Variants in ARHGEF10L observed in about 807,000 individuals in gnomAD.
ARHGEF10L encodes rho guanine nucleotide exchange factor 10-like protein.
ARHGEF10L carries 69 observed loss-of-function variants against 141.2 expected under a neutral mutation model. The observed-to-expected ratio is 0.49, with a 90% CI of 0.40 to 0.60. The LOEUF (loss-of-function observed/expected upper bound fraction) is 0.60. Among genes scored for constraint, ARHGEF10L ranks in the 20% least tolerant of loss-of-function variants. The pLI is 0.00. For synonymous variants in ARHGEF10L, 711 were observed against 718.5 expected (o/e 0.99, Z 0.17); for missense variants, 1,482 against 1,734.3 (o/e 0.85, Z 2.58).
At chr1:17,643,878 C>T (rs1347718440) in intron 21 of ARHGEF10L, among the ~76,000 whole-genome samples, 1 of 152,196 alleles carries the variant, frequency 6.6e-6, no homozygotes, top group Non-Finnish European at 1.5e-5. Flanking sequence ...AGGATATCTT[C>T]CTACCTCTTT....
intron 1 of ARHGEF10L, among the ~76,000 whole-genome samples, chr1:17,560,850 C>A (rs1003393979): frequency 1.7e-4 from 26 of 152,252 alleles, no homozygotes; most frequent in African/African-American, 6.0e-4. Context: ...CAGGTGTGAG[C>A]CACTGCGCCT....
chr1:17,518,802 C>CAAAAAAAAAAAAAAA, the ARHGEF10L span, among the ~76,000 whole-genome samples: 2 of 99,890 alleles, frequency 2.0e-5, no homozygotes, highest in African/African-American at 4.0e-5. Flanking sequence ...GATTCTGTCT[C>CAAAAAAAAAAAAAAA]AAAAAAAAAA....
In ARHGEF10L at chr1:17,655,918, A is replaced by G; in HGVS notation, c.2521A>G (p.Ile841Val). ...GQEGAGGQVE[I>V]FSLNRPSPRT... The stretch of plus-strand genomic sequence containing the variant: ...GGAAGGCGCAGGGGGCCAGGTGGAA[A>G]TCTTTTCCTTGAACCGGCCCTCGCC... Residue 841 changes from isoleucine to valine, a missense_variant, in exon 24 of 29, where the codon ATC becomes GTC. Ile to Val is a conservative substitution (Grantham distance 29). Coordinates refer to ENST00000361221, the MANE Select transcript of ARHGEF10L (RefSeq NM_018125.4). The G allele has an allele frequency of 6.4e-7, 1 of 1,557,156 alleles. No homozygotes were observed. Among genetic ancestry groups the G allele is most frequent in the Non-Finnish European group, 8.7e-7 (1 of 1,150,304 alleles).
rs2064700893 is a variant in ARHGEF10L, at chr1:17,687,470, G to A, written c.3010-103G>A. The A allele has an allele frequency of 2.1e-5, 28 of 1,328,070 alleles. No homozygotes were observed. The South Asian group carries it at 3.7e-4, about 18-fold the overall frequency. The allele number at this position is 1,328,070 out of a possible 1,614,324, so 82.3% of individuals were successfully genotyped here. A position where few individuals can be genotyped will look rare whatever the true frequency, so the allele number is the denominator to read the frequency against. On this transcript the variant is annotated intron_variant, in intron 26 of 28. Coordinates refer to ENST00000361221, the MANE Select transcript of ARHGEF10L (RefSeq NM_018125.4). ...TTCTAATGTTCCCTGAGTAGCTTGA[G>A]CTTTTGAAGAATGTGAGAATGGCTG...
chr1:17,656,409 TG>T lies in ARHGEF10L; in HGVS notation c.2706-143del. ...CATGGAAAAGTGAGCTCCCGCATGG[TG>T]GAGCTATGGCCTGGCCACACAGCCG... On this transcript the variant is annotated intron_variant, in intron 24 of 28. Transcript: ENST00000361221. The surrounding 1 kb of genome is among the most constrained non-coding windows in gnomAD (Gnocchi z 4.9). 1 of 1,008,326 alleles carries T rather than the reference TG, an allele frequency of 9.9e-7. No individual in the cohort carries two copies. Among genetic ancestry groups the T allele is most frequent in the Non-Finnish European group, 1.5e-6 (1 of 674,894 alleles). The allele number at this position is 1,008,326 out of a possible 1,614,324, so 62.5% of individuals were successfully genotyped here.
chr1:17,609,657 G>A (rs1031705334), intron 7 of ARHGEF10L, among the ~76,000 whole-genome samples: 1 of 152,154 alleles, frequency 6.6e-6, no homozygotes. Flanking sequence ...ACGTAAACAT[G>A]AGCCTGTGTC....
chr1:17,689,961 G>A (rs1169347000), intron 27 of ARHGEF10L: 50 of 407,136 alleles, frequency 1.2e-4, no homozygotes, highest in South Asian at 7.6e-4. Flanking sequence ...CTTCACGCCC[G>A]TTGTCTTACT....
chr1:17,665,297 G>C (rs1193416037), intron 26 of ARHGEF10L, among the ~76,000 whole-genome samples: 1 of 152,210 alleles, frequency 6.6e-6, no homozygotes, highest in East Asian at 1.9e-4. Flanking sequence ...GTCTTCATTC[G>C]CCTGCCTAGT....
At position 17,587,601 on chromosome 1, in the gene ARHGEF10L, A is replaced by G; in HGVS notation, c.179A>G (p.Asp60Gly). The G allele has an allele frequency of 6.2e-7, 1 of 1,614,072 alleles. No homozygotes were observed. The highest frequency in any genetic ancestry group is 8.5e-7 in the Non-Finnish European group (1 of 1,179,992). ...GTCCCCAGCCTTGCTCCTGAGAGGG[A>G]CACAGACCCCCCACTGATCCACTTG... ...LGVPSLAPER[D>G]TDPPLIHLDS... is the part of the protein sequence containing the mutation. Residue 60 changes from aspartate (D) to glycine (G), a missense_variant, in exon 3 of 29, where the codon GAC (aspartate) becomes GGC (glycine). Physicochemically the swap from Asp to Gly is moderately conservative, Grantham distance 94. Around this residue, in one of 3 missense-constraint regions of ARHGEF10L, gnomAD observed 232 missense variants for 225.9 expected, o/e 1.03. Coordinates refer to ENST00000361221, the MANE Select transcript of ARHGEF10L (RefSeq NM_018125.4).
chr1:17,600,998 C>G (rs1016920642), intron 4 of ARHGEF10L, among the ~76,000 whole-genome samples: 2 of 144,826 alleles, frequency 1.4e-5, no homozygotes. Flanking sequence ...TGCAGTGAGC[C>G]GAGATCGCAC....
chr1:17,646,758 G>T (rs908529285), intron 21 of ARHGEF10L, among the ~76,000 whole-genome samples: 4 of 152,110 alleles, frequency 2.6e-5, no homozygotes, highest in African/African-American at 9.7e-5. Context: ...CCCTGGGGAG[G>T]TGAGGGGCAG....
rs555296875 is a variant in ARHGEF10L, at chr1:17,613,937, C to T, written c.726+763C>T. On this transcript the variant is annotated intron_variant, in intron 8 of 28. Coordinates refer to ENST00000361221, the MANE Select transcript of ARHGEF10L (RefSeq NM_018125.4). Reference sequence around the variant, plus strand: ...CCCCCAGGGTGGCTTTGAAGGTCAACGATCAGGCCTCTTGGGTGTACGGTG... The same window carrying T: ...CCCCCAGGGTGGCTTTGAAGGTCAATGATCAGGCCTCTTGGGTGTACGGTG... Among the ~76,000 whole-genome samples the T allele has an allele frequency of 3.6e-4, 55 of 152,338 alleles. No individual in the cohort carries two copies. The South Asian group carries it at 5.2e-3, about 14-fold the overall frequency.
At position 17,559,741 on chromosome 1, in the gene ARHGEF10L, G is replaced by T. The variant is rs541745508; in HGVS notation, c.-44+19791G>T. Among the ~76,000 whole-genome samples the T allele has an allele frequency of 5.9e-5, 9 of 152,298 alleles. 1 individual carries two copies. Among genetic ancestry groups the T allele is most frequent in the African/African-American group, 2.2e-4 (9 of 41,560 alleles). On this transcript the variant is annotated intron_variant, in intron 1 of 28. Coordinates refer to ENST00000361221, the MANE Select transcript of ARHGEF10L (RefSeq NM_018125.4). Reference sequence around the variant, plus strand: ...TAAGGAAAGGGACCGTCATGTGACTGGGGCCCAGGGTCTTCAGAACAAGGT... The same window carrying T: ...TAAGGAAAGGGACCGTCATGTGACTTGGGCCCAGGGTCTTCAGAACAAGGT...
At chr1:17,578,860 G>A (rs2078340578) in intron 1 of ARHGEF10L, among the ~76,000 whole-genome samples, 1 of 152,214 alleles carries the variant, frequency 6.6e-6, no homozygotes, top group South Asian at 2.1e-4. Flanking sequence ...AGCACTGTGA[G>A]TGCTGTGTGC....
At chr1:17,529,824 C>CTTTTTTT in the ARHGEF10L span, among the ~76,000 whole-genome samples, 1 of 67,156 alleles carries the variant, frequency 1.5e-5, no homozygotes, top group African/African-American at 5.8e-5. Context: ...ACACATCAGT[C>CTTTTTTT]TTTTTTTTTT....
rs764297995 is a variant in ARHGEF10L, at chr1:17,573,466, G to A, written c.-43-7087G>A. On this transcript the variant is annotated intron_variant, in intron 1 of 28. Coordinates refer to ENST00000361221, the MANE Select transcript of ARHGEF10L (RefSeq NM_018125.4). This position sits in a 1 kb window ranked among gnomAD's most constrained non-coding sequence, Gnocchi z 4.8. Reference sequence around the variant, plus strand: ...TCTGGGGTTCTCTGGAGAAGAGGGGGGTCAGTTCAGCTGATGGCAGGTGGC... The same window carrying A: ...TCTGGGGTTCTCTGGAGAAGAGGGGAGTCAGTTCAGCTGATGGCAGGTGGC... Among the ~76,000 whole-genome samples, 1 of 152,204 alleles carries A rather than the reference G, an allele frequency of 6.6e-6. No homozygotes were observed. Among genetic ancestry groups the A allele is most frequent in the Non-Finnish European group, 1.5e-5 (1 of 68,036 alleles).
intron 26 of ARHGEF10L, among the ~76,000 whole-genome samples, chr1:17,665,840 C>T (rs573608286): frequency 6.6e-6 from 1 of 152,256 alleles, no homozygotes; most frequent in South Asian, 2.1e-4. Context: ...TGTGAAGCCC[C>T]AGCATCTGTG....
At chr1:17,563,288 G>T (rs1239142592) in intron 1 of ARHGEF10L, among the ~76,000 whole-genome samples, 2 of 150,844 alleles carry the variant, frequency 1.3e-5, no homozygotes, top group East Asian at 3.9e-4. Context: ...AGGGTGGAGC[G>T]CAGTGGCGCC....
At position 17,623,796 on chromosome 1, in the gene ARHGEF10L, A is replaced by G. The variant is rs957100268; in HGVS notation, c.1201-591A>G. On this transcript the variant is annotated intron_variant, in intron 12 of 28. Coordinates refer to ENST00000361221, the MANE Select transcript of ARHGEF10L (RefSeq NM_018125.4). This position sits in a 1 kb window ranked among gnomAD's most constrained non-coding sequence, Gnocchi z 4.7. ...GTAGCACTCTACTTTGATGTGTTTT[A>G]GGTAACTAGGTTTTGCTAAAAGAAA... 6.6e-6 allele frequency among the ~76,000 whole-genome samples: 1 copy of G among 152,162 alleles called. No homozygotes were observed. Among genetic ancestry groups the G allele is most frequent in the Non-Finnish European group, 1.5e-5 (1 of 68,016 alleles).
Sources: allele counts gnomAD v4.1 joint callset (sites outside exome capture counted in the v4.1 genomes callset), GRCh38; gene constraint gnomAD v4.1.1; regional missense constraint gnomAD v4.1.1; non-coding constraint Gnocchi (gnomAD v3.1); transcripts MANE v1.5; gene names NCBI Gene and HGNC (gene_info 2026-07-23, HGNC 2026-07-21).